Variants in MORC1 observed in about 807,000 individuals in gnomAD.
MORC1 encodes MORC family CW-type zinc finger 1.
MORC1 carries 59 observed loss-of-function variants against 134.9 expected under a neutral mutation model. The observed-to-expected ratio is 0.44, with a 90% confidence interval of 0.35 to 0.54. The LOEUF is 0.54. MORC1 is among the 20% of genes least tolerant of loss of function. MORC1 has a pLI of 0.00. For synonymous variants in MORC1, 395 were observed against 391.7 expected, an observed-to-expected ratio of 1.01 and a Z score of -0.10; for missense variants, 947 against 1,134.5, an observed-to-expected ratio of 0.83 and a Z score of 2.37.
chr3:109,048,813 C>G (rs1949754391), intron 14 of MORC1, among the ~76,000 whole-genome samples: 1 of 150,316 alleles, frequency 6.7e-6, no homozygotes, highest in South Asian at 2.2e-4. Context: ...AGTCAGACTG[C>G]ATTAGGGCCC....
intron 14 of MORC1, 66 bp downstream of exon 14, chr3:109,054,662 G>T: frequency 7.5e-7 from 1 of 1,327,970 alleles, no homozygotes; most frequent in Non-Finnish European, 9.9e-7. Context: ...AATCATGTCA[G>T]CTTAAAGAAA....
intron 1 of MORC1, among the ~76,000 whole-genome samples, chr3:109,116,678 G>A (rs1472699921): frequency 6.6e-6 from 1 of 152,158 alleles, no homozygotes; most frequent in African/African-American, 2.4e-5. Flanking sequence ...TACTCGGAAG[G>A]CTGAGGCTGG....
intron 6 of MORC1, among the ~76,000 whole-genome samples, chr3:109,096,763 C>T (rs1274885126): frequency 6.6e-6 from 1 of 152,198 alleles, no homozygotes; most frequent in Non-Finnish European, 1.5e-5. Flanking sequence ...ACTCTATGAA[C>T]TCGCCCTGAA....
chr3:109,069,234 T>C (rs1015912496), intron 9 of MORC1, among the ~76,000 whole-genome samples: 4 of 152,174 alleles, frequency 2.6e-5, no homozygotes, highest in Admixed American at 1.3e-4. Context: ...CAGATACATA[T>C]TTATAAATAT....
intron 8 of MORC1, among the ~76,000 whole-genome samples, chr3:109,091,053 A>T (rs567194103): frequency 6.6e-6 from 1 of 152,234 alleles, no homozygotes; most frequent in South Asian, 2.1e-4. Context: ...TCTCTTACTG[A>T]AGAGTAATTG....
chr3:108,995,648 G>A (rs1164129473), intron 21 of MORC1, among the ~76,000 whole-genome samples: 1 of 152,146 alleles, frequency 6.6e-6, no homozygotes. Flanking sequence ...ACTATGACTG[G>A]ACTCTAGCTT....
chr3:108,987,496 T>TGAC (rs2107473386), intron 21 of MORC1, among the ~76,000 whole-genome samples: 1 of 152,242 alleles, frequency 6.6e-6, no homozygotes, highest in East Asian at 1.9e-4. Context: ...TCTCATCTTC[T>TGAC]GACAGAATCC....
intron 4 of MORC1, among the ~76,000 whole-genome samples, chr3:109,102,982 C>T (rs557194434): frequency 1.3e-5 from 2 of 152,286 alleles, no homozygotes; most frequent in East Asian, 3.9e-4. Context: ...TACTCTTCAA[C>T]TATTCAGACC....
intron 8 of MORC1, among the ~76,000 whole-genome samples, chr3:109,081,253 T>C (rs1006323937): frequency 6.6e-6 from 1 of 152,066 alleles, no homozygotes; most frequent in Non-Finnish European, 1.5e-5. Flanking sequence ...GAAAGTCAGA[T>C]TGAGAGACTT....
At chr3:109,050,014 G>C (rs1469828432) in intron 14 of MORC1, among the ~76,000 whole-genome samples, 3 of 83,964 alleles carry the variant, frequency 3.6e-5, no homozygotes, top group African/African-American at 1.4e-4. Context: ...TCAAATACCT[G>C]GGGGGGCTGC....
At chr3:109,031,076 G>T (rs901114560) in intron 16 of MORC1, among the ~76,000 whole-genome samples, 1 of 152,122 alleles carries the variant, frequency 6.6e-6, no homozygotes, top group African/African-American at 2.4e-5. Flanking sequence ...TTTTCAGAAG[G>T]GGGTGAGTCT....
rs35362201 is a variant in MORC1, at chr3:109,040,399, A to AGAAGGAAGGAAGG, written c.1331-4932_1331-4931insCCTTCCTTCCTTC. Among the ~76,000 whole-genome samples the AGAAGGAAGGAAGG allele has an allele frequency of 2.7e-4, 10 of 37,422 alleles. 1 individual carries two copies. The highest frequency in any genetic ancestry group is 6.9e-4 in the Non-Finnish European group (10 of 14,460). 24.6% of individuals were successfully genotyped at this position (37,422 alleles called of 152,430 possible). A position where few individuals can be genotyped will look rare whatever the true frequency, so the allele number is the denominator to read the frequency against. ...GAAAGAAAGAAAGAAAGAAAGAAAG[A>AGAAGGAAGGAAGG]AAGAGAAGGAAGGAAGGAAGGAAGG... is the stretch of plus-strand genomic sequence containing the variant. On this transcript the variant is annotated intron_variant, in intron 14 of 27. Transcript: ENST00000232603.
intron 11 of MORC1, among the ~76,000 whole-genome samples, chr3:109,060,316 C>T (rs940776637): frequency 1.3e-5 from 2 of 151,758 alleles, no homozygotes; most frequent in Non-Finnish European, 2.9e-5. Context: ...GAAAATATCT[C>T]CTTCATATCG....
At chr3:109,063,522 A>G (rs1576698267) in intron 9 of MORC1, among the ~76,000 whole-genome samples, 1 of 152,146 alleles carries the variant, frequency 6.6e-6, no homozygotes, top group Non-Finnish European at 1.5e-5. Context: ...TTCTTTAAAA[A>G]ATTCTATGAA....
At chr3:108,972,580 C>A (rs1947418107) in intron 24 of MORC1, among the ~76,000 whole-genome samples, 1 of 151,972 alleles carries the variant, frequency 6.6e-6, no homozygotes, top group South Asian at 2.1e-4. Flanking sequence ...GGGGTAGGAA[C>A]AGGATTTAAA....
chr3:109,106,624 G>A (rs113657716), intron 3 of MORC1, among the ~76,000 whole-genome samples: 21 of 152,226 alleles, frequency 1.4e-4, no homozygotes, highest in African/African-American at 3.6e-4. Context: ...CTTCAGCTGT[G>A]CAAGTCAAAA....
At chr3:109,000,441 C>G in intron 21 of MORC1, 116 bp downstream of exon 21, 1 of 752,612 alleles carries the variant, frequency 1.3e-6, no homozygotes, top group Non-Finnish European at 2.0e-6. Flanking sequence ...ATTTCTTCAT[C>G]TCAAAACTAG....
intron 8 of MORC1, among the ~76,000 whole-genome samples, chr3:109,071,246 A>G (rs905105293): frequency 2.0e-5 from 3 of 152,194 alleles, no homozygotes; most frequent in Non-Finnish European, 4.4e-5. Flanking sequence ...GAAGGTAAAA[A>G]AGTCAAAAGT....
At chr3:108,996,279 C>CGTGCGTGCGCGT (rs755053795) in intron 21 of MORC1, among the ~76,000 whole-genome samples, 4 of 117,542 alleles carry the variant, frequency 3.4e-5, no homozygotes, top group East Asian at 4.5e-4. Context: ...CGTGCGTGCG[C>CGTGCGTGCGCGT]GCGCGCGCAC....
Sources: allele counts gnomAD v4.1 joint callset (sites outside exome capture counted in the v4.1 genomes callset), GRCh38; gene constraint gnomAD v4.1.1; transcripts MANE v1.5; gene names NCBI Gene and HGNC (gene_info 2026-07-23, HGNC 2026-07-21).